CAMK2D: variants seen among roughly 807,000 people sequenced by gnomAD.
CAMK2D encodes the protein calcium/calmodulin dependent protein kinase II delta.
In CAMK2D, 37 loss-of-function variants were observed where a neutral mutation model predicts 84.0. The ratio of observed to expected loss-of-function variants is 0.44; its 90% CI spans 0.34 to 0.58. CAMK2D has a LOEUF of 0.58. Ranked by LOEUF, CAMK2D falls within the 20% of genes least tolerant of loss-of-function variation. The pLI, the probability that CAMK2D is intolerant of heterozygous loss-of-function variation, is 0.02. For synonymous variants in CAMK2D, 202 were observed against 212.5 expected (o/e 0.95, Z 0.43); for missense variants, 448 against 652.5 (o/e 0.69, Z 3.41).
At chr4:113,596,620 G>A (rs1177685049) in intron 4 of CAMK2D, among the ~76,000 whole-genome samples, 1 of 152,098 alleles carries the variant, frequency 6.6e-6, no homozygotes, top group African/African-American at 2.4e-5. Context: ...CAGAGCTCTT[G>A]GGCAACTAGG....
intron 2 of CAMK2D, among the ~76,000 whole-genome samples, chr4:113,667,837 C>A (rs374136967): frequency 1.3e-5 from 2 of 152,302 alleles, no homozygotes; most frequent in East Asian, 3.9e-4. Context: ...AGTCCTTCTG[C>A]TGCCCACTAT....
At chr4:113,670,324 A>T (rs554674632) in intron 2 of CAMK2D, among the ~76,000 whole-genome samples, 111 of 147,360 alleles carry the variant, frequency 7.5e-4, no homozygotes, top group South Asian at 4.9e-3. Flanking sequence ...AATAAATAAA[A>T]AACTATGATG....
At chr4:113,615,949 G>C (rs960630614) in intron 3 of CAMK2D, among the ~76,000 whole-genome samples, 1 of 152,022 alleles carries the variant, frequency 6.6e-6, no homozygotes. Flanking sequence ...AGTTACATAA[G>C]GGATATGTAT....
intron 4 of CAMK2D, among the ~76,000 whole-genome samples, chr4:113,578,216 T>C: frequency 6.6e-6 from 1 of 152,206 alleles, no homozygotes. Flanking sequence ...AATCCTGTCA[T>C]AGTCAGCCCC....
rs140747054 is a variant in CAMK2D, at chr4:113,597,877, C to A, written c.275+11275G>T. On this transcript the variant is annotated intron_variant, in intron 4 of 20. Transcript: ENST00000511664. The stretch of plus-strand genomic sequence containing the variant: ...TTATTTATTGGTTTAATTTCAATAT[C>A]TTTGTGTCTCAGGGAATAGGAAGGC... Among the ~76,000 whole-genome samples, 187 of 152,168 alleles carry A rather than the reference C, an allele frequency of 1.2e-3. 2 individuals carry two copies. Among genetic ancestry groups the A allele is most frequent in the African/African-American group, 4.3e-3 (180 of 41,510 alleles).
Position 113,635,226 on chromosome 4 carries a change from T to C in CAMK2D, c.221-26020A>G, listed in dbSNP as rs75185496. On this transcript the variant is annotated intron_variant, in intron 3 of 20. Coordinates refer to ENST00000511664, the MANE Select transcript of CAMK2D (RefSeq NM_001321571.2). ...CCTCCTGGTAAACAGGGTGTCCAAGTGTGCACATATTTATGCCCAAGCATT... is the reference window on the plus strand; with the variant it reads ...CCTCCTGGTAAACAGGGTGTCCAAGCGTGCACATATTTATGCCCAAGCATT... Among the ~76,000 whole-genome samples the C allele has an allele frequency of 4.5e-3, 681 of 152,298 alleles. 8 individuals are homozygous for C. The highest frequency in any genetic ancestry group is 0.016 in the African/African-American group (660 of 41,570).
At chr4:113,519,589 A>ATAGGCACTGGAGG (rs2098331072) in intron 8 of CAMK2D, among the ~76,000 whole-genome samples, 1 of 151,674 alleles carries the variant, frequency 6.6e-6, no homozygotes, top group Admixed American at 6.6e-5. Flanking sequence ...ATTTAAATAA[A>ATAGGCACTGGAGG]CACCGTTTTG....
At chr4:113,688,910 C>CAAAAAAAAAAAAAAAAAAAAAAAGAAAA (rs2099369925) in intron 2 of CAMK2D, among the ~76,000 whole-genome samples, 5 of 49,712 alleles carry the variant, frequency 1.0e-4, no homozygotes, top group Non-Finnish European at 1.1e-4. Context: ...AAAGAAGATG[C>CAAAAAAAAAAAAAAAAAAAAAAAGAAAA]AAAAAAAAAA....
chr4:113,603,190 T>C (rs1029105814), intron 4 of CAMK2D, among the ~76,000 whole-genome samples: 10 of 152,166 alleles, frequency 6.6e-5, no homozygotes, highest in African/African-American at 2.4e-4. Context: ...GCTGTAAAGA[T>C]GACTTTGCGT....
rs2098268134 is a variant in CAMK2D at position 113,515,147 on chromosome 4, G to A, written c.741C>T (p.Asp247=). Reference sequence around the variant, plus strand: ...TGATAGTAAGCATTTTATTGATGAGGTCTTTGGCTTCAGGAGTCACCGTGT... The same window carrying A: ...TGATAGTAAGCATTTTATTGATGAGATCTTTGGCTTCAGGAGTCACCGTGT... ...EWDTVTPEAK[D]LINKMLTINP... Residue 247 remains aspartate, a synonymous_variant, in exon 10 of 21, where the codon GAC becomes GAT. Coordinates refer to ENST00000511664, the MANE Select transcript of CAMK2D (RefSeq NM_001321571.2). The A allele has an allele frequency of 8.1e-6, 13 of 1,611,302 alleles. No homozygotes were observed. Among genetic ancestry groups the A allele is most frequent in the Non-Finnish European group, 1.0e-5 (12 of 1,177,648 alleles).
chr4:113,614,663 G>T (rs1322730676), intron 3 of CAMK2D, among the ~76,000 whole-genome samples: 9 of 152,068 alleles, frequency 5.9e-5, no homozygotes, highest in African/African-American at 2.2e-4. Flanking sequence ...GCACCCAACT[G>T]ACTGAATCCA....
chr4:113,615,910 G>C (rs1283678198), intron 3 of CAMK2D, among the ~76,000 whole-genome samples: 1 of 152,024 alleles, frequency 6.6e-6, no homozygotes, highest in Non-Finnish European at 1.5e-5. Context: ...GCCACAATCT[G>C]TTCTAATTTT....
At chr4:113,672,013 C>T (rs771780490) in intron 2 of CAMK2D, among the ~76,000 whole-genome samples, 2 of 151,988 alleles carry the variant, frequency 1.3e-5, no homozygotes, top group Non-Finnish European at 2.9e-5. Context: ...TGAGGTGCTG[C>T]TAAGTGTGGA....
At chr4:113,579,299 T>C (rs1264511405) in intron 4 of CAMK2D, among the ~76,000 whole-genome samples, 3 of 152,242 alleles carry the variant, frequency 2.0e-5, no homozygotes, top group African/African-American at 7.2e-5. Flanking sequence ...ATTCTCAAAG[T>C]AACATGATGC....
At chr4:113,488,567 A>C (rs1246508838) in intron 16 of CAMK2D, among the ~76,000 whole-genome samples, 1 of 152,188 alleles carries the variant, frequency 6.6e-6, no homozygotes, top group Non-Finnish European at 1.5e-5. Flanking sequence ...TCACAGTTTA[A>C]AAACTGATTG....
intron 2 of CAMK2D, among the ~76,000 whole-genome samples, chr4:113,695,759 A>G (rs1191524680): frequency 1.3e-5 from 2 of 152,008 alleles, no homozygotes; most frequent in African/African-American, 4.8e-5. Context: ...TTTACTTTCA[A>G]CCAAATTTCA....
intron 4 of CAMK2D, among the ~76,000 whole-genome samples, chr4:113,569,857 A>T (rs1305848269): frequency 6.6e-6 from 1 of 152,190 alleles, no homozygotes; most frequent in Non-Finnish European, 1.5e-5. Flanking sequence ...ACAGTGAAGC[A>T]AGTTTATTCT....
rs186820708 is a variant in CAMK2D, at chr4:113,518,808, T to C, written c.602-1151A>G. Among the ~76,000 whole-genome samples, 1,336 of 152,242 alleles carry C rather than the reference T, an allele frequency of 8.8e-3. 9 individuals carry two copies. Among genetic ancestry groups the C allele is most frequent in the Non-Finnish European group, 0.013 (911 of 68,012 alleles). ...CAGCAGTCTGGACATCTTTATACAA[T>C]AGACACTGTAGCAGCTGAAATGGTT... is the stretch of plus-strand genomic sequence containing the variant. On this transcript the variant is annotated intron_variant, in intron 8 of 20. Transcript: ENST00000511664.
intron 4 of CAMK2D, among the ~76,000 whole-genome samples, chr4:113,576,737 T>A (rs2098784693): frequency 6.6e-6 from 1 of 152,196 alleles, no homozygotes; most frequent in Non-Finnish European, 1.5e-5. Flanking sequence ...AAGAGAATTT[T>A]GAAAAAAAAT....
Sources: allele counts gnomAD v4.1 joint callset (sites outside exome capture counted in the v4.1 genomes callset), GRCh38; gene constraint gnomAD v4.1.1; transcripts MANE v1.5; gene names NCBI Gene and HGNC (gene_info 2026-07-23, HGNC 2026-07-21).